Variants in USP54 observed in about 807,000 individuals in gnomAD.
The protein encoded by USP54 is ubiquitin specific peptidase 54, also known as ubiquitin carboxyl-terminal hydrolase 54.
Under a neutral mutation model 170.5 loss-of-function variants are expected in USP54, and 87 were observed. The observed-to-expected ratio is 0.51, with a 90% CI of 0.43 to 0.61. The LOEUF (loss-of-function observed/expected upper bound fraction) is 0.61. Ranked by LOEUF, USP54 falls within the 20% of genes least tolerant of loss-of-function variation. The pLI, the probability that USP54 is intolerant of heterozygous loss-of-function variation, is 0.00. For missense variants in USP54, 1,786 were observed against 2,047.8 expected (o/e 0.87, Z 2.47); for synonymous variants, 655 against 742.8 (o/e 0.88, Z 1.92).
intron 1 of USP54, among the ~76,000 whole-genome samples, chr10:73,586,489 G>A (rs1361547526): frequency 6.6e-6 from 1 of 152,170 alleles, no homozygotes; most frequent in Non-Finnish European, 1.5e-5. Context: ...TGTCTTAAGG[G>A]CATCTTTCTA....
chr10:73,517,834 TA>T (rs2061294429), intron 19 of USP54, 87 bp from the exon 20 acceptor site: 2 of 1,447,028 alleles, frequency 1.4e-6, no homozygotes. Context: ...TTCCCATTTC[TA>T]GCTATTCACA....
At chr10:73,553,078 G>C (rs2069961316) in intron 4 of USP54, 1 of 152,168 alleles carries the variant, frequency 6.6e-6, no homozygotes, top group South Asian at 2.1e-4. Flanking sequence ...CCATGACCTA[G>C]ATAACAAGGG....
intron 4 of USP54, among the ~76,000 whole-genome samples, chr10:73,563,245 C>T (rs1341120003): frequency 6.6e-6 from 1 of 151,992 alleles, no homozygotes; most frequent in Admixed American, 6.6e-5. Flanking sequence ...TGAGCCACCA[C>T]AGCCTGGCAG....
intron 22 of USP54, among the ~76,000 whole-genome samples, chr10:73,502,652 G>A (rs944082747): frequency 4.6e-5 from 7 of 152,060 alleles, no homozygotes; most frequent in Admixed American, 4.6e-4. Context: ...TGGTGACTAT[G>A]GTACCACACA....
chr10:73,563,538 A>T (rs2073573115), intron 4 of USP54, among the ~76,000 whole-genome samples: 1 of 152,054 alleles, frequency 6.6e-6, no homozygotes, highest in Non-Finnish European at 1.5e-5. Flanking sequence ...TCCGGGTTCA[A>T]GTGATTCTCC....
At chr10:73,560,233 T>C (rs2072510040) in intron 4 of USP54, among the ~76,000 whole-genome samples, 2 of 152,104 alleles carry the variant, frequency 1.3e-5, no homozygotes, top group Admixed American at 6.6e-5. Context: ...ACCAGATAAA[T>C]GCTTTGCTGA....
In USP54 at chr10:73,536,426, T is replaced by A; in HGVS notation, c.987A>T (p.Lys329Asn). Residue 329 changes from lysine (K) to asparagine (N), a missense_variant, in exon 11 of 24, where the codon AAA becomes AAT. This residue lies in a region of USP54 where 361 missense variants were observed against 455.0 expected (regional missense o/e 0.79). Transcript: ENST00000687698. ...DDAHVKEIGPKWKDVVTKCIK... is the reference protein window; with the variant it reads ...DDAHVKEIGPNWKDVVTKCIK... Reference sequence around the variant, plus strand: ...TGCATTTGGTCACCACATCCTTCCATTTGGGCCCAATCTGAACCAGAAACA... The same window carrying A: ...TGCATTTGGTCACCACATCCTTCCAATTGGGCCCAATCTGAACCAGAAACA... 1 of 1,550,560 alleles carries A rather than the reference T, an allele frequency of 6.4e-7. No individual in the cohort carries two copies. Among genetic ancestry groups the A allele is most frequent in the Non-Finnish European group, 8.7e-7 (1 of 1,150,112 alleles).
chr10:73,604,455 T>C (rs924904048), intron 1 of USP54, among the ~76,000 whole-genome samples: 6 of 152,104 alleles, frequency 3.9e-5, no homozygotes, highest in Non-Finnish European at 8.8e-5. Flanking sequence ...ACTGAAAGTA[T>C]GCTCTCAAAG....
chr10:73,614,422 G>A (rs748615252), intron 1 of USP54, among the ~76,000 whole-genome samples: 15 of 149,634 alleles, frequency 1.0e-4, no homozygotes, highest in Non-Finnish European at 1.9e-4. Context: ...TTAGCCAGGC[G>A]TAGTGGTATG....
chr10:73,500,260 T>C (rs2057817173), intron 23 of USP54, among the ~76,000 whole-genome samples: 1 of 152,188 alleles, frequency 6.6e-6, no homozygotes, highest in African/African-American at 2.4e-5. Context: ...TCCTAGACCA[T>C]CCCTCAGCTG....
intron 22 of USP54, among the ~76,000 whole-genome samples, chr10:73,501,727 C>A (rs1168382232): frequency 1.3e-5 from 2 of 152,182 alleles, no homozygotes; most frequent in African/African-American, 4.8e-5. Context: ...TATTTCCTAT[C>A]ATTCCTGGAG....
Position 73,590,314 on chromosome 10 carries a change from G to C in USP54, c.-582+964C>G, listed in dbSNP as rs368130600. Among the ~76,000 whole-genome samples the C allele has an allele frequency of 2.6e-5, 4 of 152,186 alleles. No homozygotes were observed. The East Asian group carries it at 7.7e-4, about 29-fold the overall frequency. On this transcript the variant is annotated intron_variant, in intron 1 of 23. Transcript: ENST00000687698. ...GGAGCTCAAGAAATCATTACTGTAC[G>C]AATACAACCATCATTTGAATAAGTG...
chr10:73,618,732 A>C, intron 1 of USP54, among the ~76,000 whole-genome samples: 1 of 135,882 alleles, frequency 7.4e-6, no homozygotes, highest in African/African-American at 3.1e-5. Context: ...ACAGAGCGAG[A>C]CTCCATCTCA....
At chr10:73,538,515 G>C (rs2133475797) in intron 10 of USP54, 1 of 151,950 alleles carries the variant, frequency 6.6e-6, no homozygotes, top group South Asian at 2.1e-4. Context: ...GGAGATTATA[G>C]TTTAAAAAAA....
At chr10:73,594,290 C>A (rs1039607302), upstream of USP54, among the ~76,000 whole-genome samples, 1 of 152,030 alleles carries the variant, frequency 6.6e-6, no homozygotes, top group Non-Finnish European at 1.5e-5. Context: ...AGACTGGTCT[C>A]GAACTCCTGA....
At chr10:73,518,703 T>C (rs964722199) in intron 19 of USP54, 2 of 152,100 alleles carry the variant, frequency 1.3e-5, no homozygotes, top group East Asian at 1.9e-4. Flanking sequence ...TGCTTTAGCA[T>C]CAAATAGACC....
chr10:73,504,894 C>A lies in USP54; in HGVS notation c.4267G>T (p.Val1423Phe), dbSNP rs139288319. ...GGAGCTTCCTCCCTCTCTGAGACAACGGTGCCACTGAGACTGCGTGAGATG... is the reference window on the plus strand; with the variant it reads ...GGAGCTTCCTCCCTCTCTGAGACAAAGGTGCCACTGAGACTGCGTGAGATG... ...RRISRSLSGTVVSEREEAPVS... is the reference protein window; with the variant it reads ...RRISRSLSGTFVSEREEAPVS... Residue 1423 changes from valine (V) to phenylalanine (F), a missense_variant, in exon 22 of 24, where the codon GTT (valine) becomes TTT (phenylalanine). Physicochemically the swap from Val to Phe is conservative, Grantham distance 50. This residue lies in a region of USP54 where 1,418 missense variants were observed against 1,569.0 expected (regional missense o/e 0.90). Transcript: ENST00000687698. The A allele has an allele frequency of 1.2e-6, 2 of 1,614,044 alleles. No homozygotes were observed. The highest frequency in any genetic ancestry group is 1.7e-6 in the Non-Finnish European group (2 of 1,180,036).
In USP54 at chr10:73,555,339, A is replaced by G. The variant is rs563215552; in HGVS notation, c.241-9667T>C. Among the ~76,000 whole-genome samples, 6 of 152,340 alleles carry G rather than the reference A, an allele frequency of 3.9e-5. No individual in the cohort carries two copies. The South Asian group carries it at 1.2e-3, about 32-fold the overall frequency. On this transcript the variant is annotated intron_variant, in intron 4 of 23. Transcript: ENST00000687698. ...CAGTCTCTTTAAATTAAAGTCAATT[A>G]TCAATACCATATCACCTCATAACTT...
At chr10:73,505,219 G>C (rs2058898350) in intron 21 of USP54, 89 bp downstream of exon 21, 4 of 1,362,080 alleles carry the variant, frequency 2.9e-6, no homozygotes, top group Admixed American at 3.9e-5. Context: ...CCATGCCTCT[G>C]CCTTATCATC....
Sources: gnomAD v4.1 joint callset for allele counts (sites outside exome capture counted in the v4.1 genomes callset) on GRCh38, gnomAD v4.1.1 for gene constraint, gnomAD v4.1.1 regional missense constraint, MANE v1.5 for transcripts, NCBI Gene and HGNC (gene_info 2026-07-23, HGNC 2026-07-21) for gene names.